Variants in MIA2 observed in about 807,000 individuals in gnomAD.
MIA2 encodes the protein melanoma inhibitory activity protein 2.
MIA2 carries 127 observed loss-of-function variants against 167.8 expected under a neutral mutation model. The ratio of observed to expected loss-of-function variants is 0.76; its 90% CI spans 0.66 to 0.88. The LOEUF (loss-of-function observed/expected upper bound fraction) is 0.88, where lower values mean the gene tolerates loss of function less well. Ranked by LOEUF, MIA2 falls within the 40% of genes least tolerant of loss-of-function variation. The pLI is 0.00. For missense variants in MIA2, 1,690 were observed against 1,624.7 expected, an observed-to-expected ratio of 1.04 and a Z score of -0.69; for synonymous variants, 552 against 541.9, an observed-to-expected ratio of 1.02 and a Z score of -0.26.
chr14:39,337,667 G>A (rs1316929683), intron 25 of MIA2, among the ~76,000 whole-genome samples: 1 of 152,090 alleles, frequency 6.6e-6, no homozygotes, highest in Non-Finnish European at 1.5e-5. Flanking sequence ...CAATGGTTGA[G>A]TGAAGAAAAC....
intron 25 of MIA2, among the ~76,000 whole-genome samples, chr14:39,330,065 T>A (rs886920847): frequency 6.6e-5 from 10 of 152,186 alleles, no homozygotes; most frequent in Non-Finnish European, 1.3e-4. Context: ...TCCTTGTACC[T>A]CTGGTAGAAT....
chr14:39,356,540 G>A (rs942025125), intron 23 of MIA2, among the ~76,000 whole-genome samples: 3 of 152,020 alleles, frequency 2.0e-5, no homozygotes, highest in Admixed American at 6.6e-5. Context: ...AGGGTTTTTT[G>A]TGTCTCTATC....
intron 4 of MIA2, among the ~76,000 whole-genome samples, chr14:39,250,633 T>C (rs1157373053): frequency 6.6e-6 from 1 of 150,864 alleles, no homozygotes; most frequent in Admixed American, 6.6e-5. Context: ...GAGGCGGAGG[T>C]TGCAGCGAGC....
intron 13 of MIA2, among the ~76,000 whole-genome samples, chr14:39,297,383 C>T (rs1034206017): frequency 6.6e-6 from 1 of 152,158 alleles, no homozygotes; most frequent in Non-Finnish European, 1.5e-5. Flanking sequence ...TGAGCCACCA[C>T]GCCTGGCCAG....
intron 17 of MIA2, among the ~76,000 whole-genome samples, chr14:39,307,333 A>G (rs556705316): frequency 2.0e-5 from 3 of 151,816 alleles, no homozygotes; most frequent in Non-Finnish European, 2.9e-5. Context: ...ATTAGATGCT[A>G]GAATTAGAAT....
Position 39,277,055 on chromosome 14 carries a change from G to C in MIA2, c.2009G>C (p.Ser670Thr). The change falls in exon 7 of 29, where the codon AGT becomes ACT. Residue 670 changes from serine (S) to threonine (T), a missense_variant. Ser to Thr is a moderately conservative substitution (Grantham distance 58). Coordinates refer to ENST00000640607, the MANE Select transcript of MIA2 (RefSeq NM_001329214.4). Reference protein sequence around the residue: ...FFAVLFFLWRSFRSVRSRLYV... With the variant: ...FFAVLFFLWRTFRSVRSRLYV... Reference sequence around the variant, plus strand: ...GCTGTTCTCTTTTTTTTGTGGAGAAGTTTTAGATCGGTAAGTAACCAGTGC... The same window carrying C: ...GCTGTTCTCTTTTTTTTGTGGAGAACTTTTAGATCGGTAAGTAACCAGTGC... The C allele has an allele frequency of 6.2e-7, 1 of 1,613,572 alleles. No individual in the cohort carries two copies. Among genetic ancestry groups the C allele is most frequent in the Non-Finnish European group, 8.5e-7 (1 of 1,179,800 alleles).
chr14:39,294,717 C>G (rs1467551820), intron 12 of MIA2, among the ~76,000 whole-genome samples: 3 of 152,092 alleles, frequency 2.0e-5, no homozygotes, highest in African/African-American at 7.2e-5. Flanking sequence ...AGAGGTTTGT[C>G]CAAGGTCACA....
At chr14:39,291,479 C>T (rs2060733093) in intron 10 of MIA2, among the ~76,000 whole-genome samples, 1 of 152,140 alleles carries the variant, frequency 6.6e-6, no homozygotes, top group Admixed American at 6.5e-5. Context: ...TAGTTGGCAA[C>T]AATAACTTTG....
At chr14:39,315,035 C>G in intron 20 of MIA2, 1 of 338,766 alleles carries the variant, frequency 3.0e-6, no homozygotes, top group East Asian at 4.5e-5. Context: ...GTAATCCCAG[C>G]ACTTTGGGAA....
intron 23 of MIA2, chr14:39,386,232 T>A: frequency 7.1e-7 from 1 of 1,418,418 alleles, no homozygotes; most frequent in Non-Finnish European, 1.0e-6. Context: ...TCTGCAGTTG[T>A]ATTTTTGGTA....
At position 39,326,907 on chromosome 14, in the gene MIA2, T is replaced by C. The variant is rs980836588; in HGVS notation, c.3540T>C (p.Asn1180=). The C allele has an allele frequency of 1.3e-6, 2 of 1,596,522 alleles. No individual in the cohort carries two copies. The highest frequency in any genetic ancestry group is 1.7e-5 in the Admixed American group (1 of 57,192). The stretch of plus-strand genomic sequence containing the variant: ...ATCCTCTGGACCATCAGATTACCAA[T>C]GAAAGAGGAGAATCAAGCTGTGATA... ...PGNPLDHQIT[N]ERGESSCDRL... is the part of the protein sequence containing the mutation. The change falls in exon 25 of 29, where the codon AAT becomes AAC. Residue 1180 remains asparagine (N), a synonymous_variant. Coordinates refer to ENST00000640607, the MANE Select transcript of MIA2 (RefSeq NM_001329214.4).
At chr14:39,294,457 C>T (rs1165867634) in intron 12 of MIA2, among the ~76,000 whole-genome samples, 1 of 150,476 alleles carries the variant, frequency 6.6e-6, no homozygotes, top group African/African-American at 2.4e-5. Context: ...CTCGGCCTCC[C>T]AAAGTGCTGG....
At chr14:39,386,547 G>T in intron 23 of MIA2, 1 of 1,298,326 alleles carries the variant, frequency 7.7e-7, no homozygotes, top group East Asian at 2.3e-5. Context: ...TTTCTTTGGT[G>T]ATTTTCTTTT....
downstream of MIA2, chr14:39,350,975 C>A (rs1287707655): frequency 6.6e-6 from 1 of 151,122 alleles, no homozygotes; most frequent in Admixed American, 6.6e-5. Flanking sequence ...TTTTCCCCGC[C>A]TGTTCTTTTG....
intron 6 of MIA2, among the ~76,000 whole-genome samples, chr14:39,263,513 G>C (rs1255149853): frequency 6.6e-6 from 1 of 151,772 alleles, no homozygotes; most frequent in Non-Finnish European, 1.5e-5. Flanking sequence ...AGGATTACAG[G>C]CTTGAGCCAT....
intron 17 of MIA2, among the ~76,000 whole-genome samples, chr14:39,307,558 C>T (rs542524818): frequency 4.6e-5 from 7 of 151,730 alleles, no homozygotes; most frequent in Non-Finnish European, 1.5e-5. Context: ...CGCCCCAGCA[C>T]GCCTGACTAA....
rs931753679 is a variant in MIA2 at position 39,350,472 on chromosome 14, C to T, written c.*208C>T. On this transcript the variant is annotated 3_prime_UTR_variant, in exon 29 of 29. Coordinates refer to ENST00000640607, the MANE Select transcript of MIA2 (RefSeq NM_001329214.4). Reference sequence around the variant, plus strand: ...TTTATTTTAGACGGTATAACTATTTCAATTTGATTAATCCACTATTATATA... The same window carrying T: ...TTTATTTTAGACGGTATAACTATTTTAATTTGATTAATCCACTATTATATA... 9.7e-6 allele frequency: 4 copies of T among 412,128 alleles called. No individual in the cohort carries two copies. The highest frequency in any genetic ancestry group is 4.1e-5 in the African/African-American group (2 of 48,372). 25.5% of individuals were successfully genotyped at this position (412,128 alleles called of 1,614,324 possible).
Position 39,325,211 on chromosome 14 carries a change from G to A in MIA2, c.3497-1653G>A, listed in dbSNP as rs376590136. ...TGCACTCCAGTCTGGGTAACAGAGT[G>A]AGTGAGACCTTGTCTCAAAAAAAAA... is the stretch of plus-strand genomic sequence containing the variant. On this transcript the variant is annotated intron_variant, in intron 24 of 28. Coordinates refer to ENST00000640607, the MANE Select transcript of MIA2 (RefSeq NM_001329214.4). Among the ~76,000 whole-genome samples, 70 of 151,892 alleles carry A rather than the reference G, an allele frequency of 4.6e-4. 1 individual carries two copies. In the South Asian group the frequency reaches 0.014, roughly 31 times the overall value.
intron 19 of MIA2, among the ~76,000 whole-genome samples, chr14:39,313,859 AAAGACTATAAAT>A (rs2152938873): frequency 6.6e-6 from 1 of 152,304 alleles, no homozygotes; most frequent in South Asian, 2.1e-4. Context: ...GAAGTATTTA[AAAGACTATAAAT>A]CTAGATTTTA....
Sources: gnomAD v4.1 joint callset for allele counts (sites outside exome capture counted in the v4.1 genomes callset) on GRCh38, gnomAD v4.1.1 for gene constraint, MANE v1.5 for transcripts, NCBI Gene and HGNC (gene_info 2026-07-23, HGNC 2026-07-21) for gene names.